DACH2: variants seen among roughly 807,000 people sequenced by gnomAD.
DACH2 encodes the protein dachshund homolog 2.
DACH2 carries 17 observed loss-of-function variants against 35.8 expected under a neutral mutation model. The ratio of observed to expected loss-of-function variants is 0.48; its 90% CI spans 0.33 to 0.71. The LOEUF is 0.71. Ranked by LOEUF, DACH2 falls within the 30% of genes least tolerant of loss-of-function variation. The pLI is 0.02. For missense variants in DACH2, 469 were observed against 472.7 expected (o/e 0.99, Z 0.07); for synonymous variants, 195 against 177.3 (o/e 1.10, Z -0.79).
At chrX:86,438,931 T>A (rs2037114057) in intron 2 of DACH2, among the ~76,000 whole-genome samples, 1 of 112,323 alleles carries the variant, frequency 8.9e-6, no homozygotes, top group Non-Finnish European at 1.9e-5. Flanking sequence ...TGGTTTTGAT[T>A]TGCATCTTTT....
At chrX:86,726,835 C>A (rs1253859453) in intron 6 of DACH2, among the ~76,000 whole-genome samples, 1 of 111,795 alleles carries the variant, frequency 8.9e-6, no homozygotes, top group Non-Finnish European at 1.9e-5. Context: ...TGTCCAGGAG[C>A]TTTTCTTGGT....
chrX:86,806,144 A>G (rs1302740595), intron 7 of DACH2, among the ~76,000 whole-genome samples: 1 of 111,387 alleles, frequency 9.0e-6, no homozygotes, highest in Non-Finnish European at 1.9e-5. Context: ...TGGGTAACTT[A>G]TAAAGAAAAC....
chrX:86,150,083 C>A (rs970158599), intron 1 of DACH2, among the ~76,000 whole-genome samples: 6 of 110,298 alleles, frequency 5.4e-5, no homozygotes, highest in African/African-American at 1.6e-4. Flanking sequence ...ATATGAGAAG[C>A]AAATTGTGTT....
chrX:86,667,493 A>AAG (rs1569463541), intron 4 of DACH2, among the ~76,000 whole-genome samples: 23 of 71,452 alleles, frequency 3.2e-4, no homozygotes, highest in East Asian at 1.7e-3. Context: ...GAAGGAAAGA[A>AAG]AGAAAGAGAA....
chrX:86,164,097 T>A (rs1183486765), intron 1 of DACH2, among the ~76,000 whole-genome samples: 1 of 111,112 alleles, frequency 9.0e-6, no homozygotes, highest in Non-Finnish European at 1.9e-5. Context: ...GTTATTTATT[T>A]ATTTATTTTT....
chrX:86,613,687 C>G (rs2039972452), intron 3 of DACH2, among the ~76,000 whole-genome samples: 1 of 111,006 alleles, frequency 9.0e-6, no homozygotes. Flanking sequence ...TCTGGTGTTT[C>G]CTGAGAATAA....
intron 2 of DACH2, among the ~76,000 whole-genome samples, chrX:86,422,986 G>C (rs1172673608): frequency 9.0e-6 from 1 of 111,287 alleles, no homozygotes; most frequent in East Asian, 2.8e-4. Flanking sequence ...CCATGTTGTT[G>C]CAAATGACTG....
At chrX:86,684,521 A>G (rs1417575309) in intron 4 of DACH2, among the ~76,000 whole-genome samples, 1 of 111,154 alleles carries the variant, frequency 9.0e-6, no homozygotes. Context: ...TAAATTATGT[A>G]GGTATATATA....
At chrX:86,564,556 C>T (rs911430874) in intron 3 of DACH2, among the ~76,000 whole-genome samples, 8 of 111,257 alleles carry the variant, frequency 7.2e-5, no homozygotes, top group African/African-American at 2.3e-4. Context: ...TGTAATTTAC[C>T]TCAATGTAAT....
intron 3 of DACH2, among the ~76,000 whole-genome samples, chrX:86,536,066 C>T (rs1323887621): frequency 1.8e-5 from 2 of 110,845 alleles, no homozygotes; most frequent in South Asian, 7.8e-4. Flanking sequence ...TTTAACCTTC[C>T]TTTTAGTTTC....
chrX:86,502,781 A>G (rs12850555), intron 2 of DACH2, among the ~76,000 whole-genome samples: 1,593 of 112,149 alleles, frequency 0.014, 15 homozygotes, highest in Non-Finnish European at 0.025. Context: ...TGTCCAACCC[A>G]CAGCCCGGGG....
intron 3 of DACH2, among the ~76,000 whole-genome samples, chrX:86,605,270 T>C (rs1393489659): frequency 9.0e-6 from 1 of 111,642 alleles, no homozygotes; most frequent in Admixed American, 9.5e-5. Flanking sequence ...TGTTTCTATC[T>C]GAAACCCCCC....
intron 2 of DACH2, among the ~76,000 whole-genome samples, chrX:86,452,901 G>C (rs1183064117): frequency 1.8e-5 from 2 of 111,061 alleles, no homozygotes; most frequent in Non-Finnish European, 3.8e-5. Context: ...TCTTTTAGTT[G>C]TGATGTTAGG....
chrX:86,725,350 G>A (rs2041454478), intron 6 of DACH2, among the ~76,000 whole-genome samples: 1 of 111,636 alleles, frequency 9.0e-6, no homozygotes, highest in Non-Finnish European at 1.9e-5. Flanking sequence ...GTTATTGGTT[G>A]AGTCGGATAC....
intron 3 of DACH2, among the ~76,000 whole-genome samples, chrX:86,543,137 GA>G (rs1303206841): frequency 1.8e-5 from 2 of 111,238 alleles, no homozygotes; most frequent in African/African-American, 6.5e-5. Flanking sequence ...ATTGAGAGTG[GA>G]AAGAATGAGG....
intron 1 of DACH2, among the ~76,000 whole-genome samples, chrX:86,293,891 A>C (rs2034373036): frequency 9.1e-6 from 1 of 110,349 alleles, no homozygotes. Flanking sequence ...TGAATCTGAC[A>C]ATTATGTGTC....
At chrX:86,556,756 G>GTATATATATATA (rs555576117) in intron 3 of DACH2, among the ~76,000 whole-genome samples, 9 of 25,452 alleles carry the variant, frequency 3.5e-4, no homozygotes, top group Admixed American at 8.5e-4. Context: ...AATAGGATAT[G>GTATATATATATA]TATATATATA....
intron 7 of DACH2, among the ~76,000 whole-genome samples, chrX:86,797,563 T>G (rs1490697440): frequency 3.6e-5 from 4 of 111,568 alleles, no homozygotes; most frequent in Non-Finnish European, 7.5e-5. Flanking sequence ...TAAATATTTG[T>G]AACAATAGTA....
At chrX:86,682,880 T>C (rs771487833) in intron 4 of DACH2, among the ~76,000 whole-genome samples, 1 of 111,621 alleles carries the variant, frequency 9.0e-6, no homozygotes, top group Non-Finnish European at 1.9e-5. Context: ...TTTTTCCATA[T>C]AGAATAATTT....
Sources: allele counts gnomAD v4.1 joint callset (sites outside exome capture counted in the v4.1 genomes callset), GRCh38; gene constraint gnomAD v4.1.1; transcripts MANE v1.5; gene names NCBI Gene and HGNC (gene_info 2026-07-23, HGNC 2026-07-21).